The following HTR1F variants were observed in gnomAD, a reference collection of about 807,000 sequenced individuals.
HTR1F encodes 5-hydroxytryptamine receptor 1F.
In HTR1F, 17 loss-of-function variants were observed where a neutral mutation model predicts 24.0. That is an observed-to-expected ratio of 0.71 (90% CI 0.48 to 1.06). The LOEUF is 1.06. Ranked by LOEUF, HTR1F falls within the 50% of genes least tolerant of loss-of-function variation. HTR1F has a pLI of 0.00. For synonymous variants in HTR1F, 186 were observed against 156.8 expected (o/e 1.19, Z -1.39); for missense variants, 391 against 427.8 (o/e 0.91, Z 0.76).
At chr3:87,798,824 C>A (rs1409737762) in intron 1 of HTR1F, among the ~76,000 whole-genome samples, 1 of 152,202 alleles carries the variant, frequency 6.6e-6, no homozygotes. Context: ...TTTCCTGAGG[C>A]TCAGAGACAC....
chr3:87,821,087 G>T (rs923197524), intron 1 of HTR1F, among the ~76,000 whole-genome samples: 2 of 152,098 alleles, frequency 1.3e-5, no homozygotes, highest in Non-Finnish European at 2.9e-5. Flanking sequence ...CTTTATTCAA[G>T]ATTTTACTTC....
intron 1 of HTR1F, among the ~76,000 whole-genome samples, chr3:87,818,821 G>A (rs965187684): frequency 6.6e-6 from 1 of 152,122 alleles, no homozygotes; most frequent in Non-Finnish European, 1.5e-5. Flanking sequence ...CCCCTCATTT[G>A]CCTCATCCTA....
chr3:87,850,270 A>C (rs1056458316), intron 2 of HTR1F, among the ~76,000 whole-genome samples: 8 of 152,106 alleles, frequency 5.3e-5, no homozygotes, highest in Non-Finnish European at 8.8e-5. Flanking sequence ...ATGGAATACT[A>C]TGCAGCCATA....
intron 2 of HTR1F, among the ~76,000 whole-genome samples, chr3:87,918,678 A>C (rs1216116616): frequency 6.6e-6 from 1 of 151,950 alleles, no homozygotes; most frequent in African/African-American, 2.4e-5. Flanking sequence ...GAGTCTAAAA[A>C]CCTCTAAAGG....
chr3:87,967,760 T>A (rs1705198971), intron 2 of HTR1F, among the ~76,000 whole-genome samples: 1 of 152,212 alleles, frequency 6.6e-6, no homozygotes. Flanking sequence ...CCAAGCCATG[T>A]GGAACTGTAA....
chr3:87,824,044 TAA>T (rs35672458), intron 2 of HTR1F, among the ~76,000 whole-genome samples: 32 of 134,924 alleles, frequency 2.4e-4, no homozygotes, highest in African/African-American at 5.2e-4. Flanking sequence ...AGACTCCGCC[TAA>T]AAAAAAAAAA....
chr3:87,951,742 A>C (rs1704838409), intron 2 of HTR1F, among the ~76,000 whole-genome samples: 1 of 151,978 alleles, frequency 6.6e-6, no homozygotes, highest in Admixed American at 6.6e-5. Flanking sequence ...AGTTATATGC[A>C]TATATATATG....
intron 2 of HTR1F, among the ~76,000 whole-genome samples, chr3:87,824,025 G>A (rs1704413141): frequency 1.4e-5 from 2 of 147,618 alleles, no homozygotes; most frequent in East Asian, 2.0e-4. Flanking sequence ...CCAGCCTGGC[G>A]ACAGGGTGAG....
chr3:87,913,605 G>T (rs893929781), intron 2 of HTR1F, among the ~76,000 whole-genome samples: 11 of 152,150 alleles, frequency 7.2e-5, no homozygotes, highest in Non-Finnish European at 1.2e-4. Flanking sequence ...AATATAAATT[G>T]TTCTGTTATA....
At chr3:87,979,109 GAGGAAGGA>G (rs1438350026) in intron 2 of HTR1F, among the ~76,000 whole-genome samples, 3 of 15,104 alleles carry the variant, frequency 2.0e-4, no homozygotes, top group Non-Finnish European at 3.0e-4. Context: ...GGAAGGAAGG[GAGGAAGGA>G]AGGGAGGGAG....
At position 87,992,702 on chromosome 3, in the gene HTR1F, C is replaced by A. The variant is rs1175616178; in HGVS notation, c.*852C>A. 1 of 166,898 alleles carries A rather than the reference C, an allele frequency of 6.0e-6. No individual in the cohort carries two copies. Among genetic ancestry groups the A allele is most frequent in the Non-Finnish European group, 1.5e-5 (1 of 68,064 alleles). The allele number at this position is 166,898 out of a possible 1,614,324, so 10.3% of individuals were successfully genotyped here. A position where few individuals can be genotyped will look rare whatever the true frequency, so the allele number is the denominator to read the frequency against. ...CTCACCACAGTTATACTCTTAACAT[C>A]TTTTTAAAAGTATAAAATGTATTTC... On this transcript the variant is annotated 3_prime_UTR_variant, in exon 3 of 3. Coordinates refer to ENST00000319595, the MANE Select transcript of HTR1F (RefSeq NM_001322209.2).
At chr3:87,813,916 A>C (rs1005110377) in intron 1 of HTR1F, among the ~76,000 whole-genome samples, 1 of 151,880 alleles carries the variant, frequency 6.6e-6, no homozygotes, top group Admixed American at 6.6e-5. Flanking sequence ...TGAATCAATT[A>C]AACCTCTTTT....
intron 2 of HTR1F, among the ~76,000 whole-genome samples, chr3:87,937,217 G>A (rs1247588113): frequency 6.6e-6 from 1 of 152,012 alleles, no homozygotes; most frequent in Non-Finnish European, 1.5e-5. Flanking sequence ...AAACATTGAT[G>A]CAAAAATCCT....
chr3:87,910,997 C>T (rs1191790325), intron 2 of HTR1F, among the ~76,000 whole-genome samples: 4 of 151,882 alleles, frequency 2.6e-5, no homozygotes, highest in African/African-American at 9.7e-5. Flanking sequence ...ATTTATAGCA[C>T]TAAATGCCTA....
chr3:87,838,255 T>C (rs1261513189), intron 2 of HTR1F, among the ~76,000 whole-genome samples: 2 of 152,106 alleles, frequency 1.3e-5, no homozygotes, highest in African/African-American at 2.4e-5. Flanking sequence ...TCCTACAATG[T>C]TCTATCTCCT....
chr3:87,819,302 G>C (rs1575904967), intron 1 of HTR1F, among the ~76,000 whole-genome samples: 1 of 151,510 alleles, frequency 6.6e-6, no homozygotes, highest in African/African-American at 2.4e-5. Context: ...ATGGGCATTT[G>C]TGTTTTTGGT....
At chr3:87,916,235 A>G (rs1439461602) in intron 2 of HTR1F, among the ~76,000 whole-genome samples, 1 of 151,510 alleles carries the variant, frequency 6.6e-6, no homozygotes, top group Non-Finnish European at 1.5e-5. Flanking sequence ...CTGGAAACAC[A>G]TCAAAAAAGG....
Position 87,991,737 on chromosome 3 carries a change from A to G in HTR1F, c.988A>G (p.Asn330Asp). 2 of 1,613,934 alleles carry G rather than the reference A, an allele frequency of 1.2e-6. No individual in the cohort carries two copies. Among genetic ancestry groups the G allele is most frequent in the Non-Finnish European group, 1.7e-6 (2 of 1,179,884 alleles). The change falls in exon 3 of 3, where the codon AAT (asparagine) becomes GAT (aspartate). Residue 330 changes from asparagine (N) to aspartate (D), a missense_variant. Transcript: ENST00000319595. ...ATGTAAAATTTCTGAAGAAATGTCC[A>G]ATTTTTTGGCATGGCTTGGGTATCT... ...DKCKISEEMS[N>D]FLAWLGYLNS...
chr3:87,976,192 T>C (rs1705391653), intron 2 of HTR1F, among the ~76,000 whole-genome samples: 1 of 152,080 alleles, frequency 6.6e-6, no homozygotes, highest in Non-Finnish European at 1.5e-5. Context: ...AAAAGAAAGA[T>C]AGAATACAAT....
Sources: allele counts gnomAD v4.1 joint callset (sites outside exome capture counted in the v4.1 genomes callset), GRCh38; gene constraint gnomAD v4.1.1; transcripts MANE v1.5; gene names NCBI Gene and HGNC (gene_info 2026-07-23, HGNC 2026-07-21).